The following NEGR1 variants were observed in gnomAD, a reference collection of about 807,000 sequenced individuals.
The protein encoded by NEGR1 is neuronal growth regulator 1, also known as IgLON family member 4.
In NEGR1, 10 loss-of-function variants were observed where a neutral mutation model predicts 40.9. The observed-to-expected ratio is 0.24, with a 90% confidence interval of 0.15 to 0.42. NEGR1 has a LOEUF of 0.42. Ranked by LOEUF, NEGR1 falls within the 10% of genes least tolerant of loss-of-function variation. The pLI is 1.00. For missense variants in NEGR1, 352 were observed against 438.9 expected (o/e 0.80, Z 1.77); for synonymous variants, 185 against 166.8 (o/e 1.11, Z -0.84).
At chr1:71,755,168 A>G (rs908694687) in intron 3 of NEGR1, among the ~76,000 whole-genome samples, 4 of 151,894 alleles carry the variant, frequency 2.6e-5, no homozygotes, top group African/African-American at 7.3e-5. Context: ...TGGCATGCCT[A>G]TTTTCCACAT....
chr1:72,251,245 C>A (rs1320275389), intron 1 of NEGR1, among the ~76,000 whole-genome samples: 1 of 152,108 alleles, frequency 6.6e-6, no homozygotes. Context: ...GTTAATCCAC[C>A]ATGTATTTTT....
rs151000675 is a variant in NEGR1 at position 72,156,189 on chromosome 1, G to A, written c.176+126130C>T. Among the ~76,000 whole-genome samples, 679 of 152,208 alleles carry A rather than the reference G, an allele frequency of 4.5e-3. 5 individuals are homozygous for A. The highest frequency in any genetic ancestry group is 0.016 in the African/African-American group (650 of 41,564). Reference sequence around the variant, plus strand: ...AATTTTCACAGATGTAACGTGTTCTGACTCTATCTGTTTGAATAATCATTT... The same window carrying A: ...AATTTTCACAGATGTAACGTGTTCTAACTCTATCTGTTTGAATAATCATTT... On this transcript the variant is annotated intron_variant, in intron 1 of 6. Coordinates refer to ENST00000357731, the MANE Select transcript of NEGR1 (RefSeq NM_173808.3).
chr1:71,844,869 G>A (rs1188299722), intron 2 of NEGR1, among the ~76,000 whole-genome samples: 2 of 152,142 alleles, frequency 1.3e-5, no homozygotes, highest in African/African-American at 4.8e-5. Flanking sequence ...TAGACATCCT[G>A]GTGGACATCC....
chr1:71,402,976 G>GT lies in NEGR1; in HGVS notation c.*4469dup, dbSNP rs961455358. ...TCAGACATTTATTAGAACATTTCCAGTTTTTTTGTGGAGGGAGGGCTTTGG... is the reference window on the plus strand; with the variant it reads ...TCAGACATTTATTAGAACATTTCCAGTTTTTTTTGTGGAGGGAGGGCTTTGG... On this transcript the variant is annotated 3_prime_UTR_variant, in exon 7 of 7. Transcript: ENST00000357731. 25 of 152,180 alleles carry GT rather than the reference G, an allele frequency of 1.6e-4. No homozygotes were observed. The highest frequency in any genetic ancestry group is 5.3e-4 in the African/African-American group (22 of 41,530). 9.4% of individuals were successfully genotyped at this position (152,180 alleles called of 1,614,324 possible).
chr1:71,877,314 G>T (rs1660460351), intron 2 of NEGR1, among the ~76,000 whole-genome samples: 1 of 152,148 alleles, frequency 6.6e-6, no homozygotes, highest in African/African-American at 2.4e-5. Flanking sequence ...CCATAACAAA[G>T]TTGCATGTAC....
At chr1:72,034,841 C>A (rs1646888737) in intron 1 of NEGR1, among the ~76,000 whole-genome samples, 1 of 152,086 alleles carries the variant, frequency 6.6e-6, no homozygotes. Context: ...TAAAACGCAG[C>A]CCCAAACCAT....
At chr1:71,942,976 AAGTATATATGTGTATATATATGTGTGTG>A (rs1645981457) in intron 1 of NEGR1, among the ~76,000 whole-genome samples, 5 of 134,100 alleles carry the variant, frequency 3.7e-5, no homozygotes, top group African/African-American at 8.2e-5. Flanking sequence ...ATATATATAT[AAGTATATATGTGTATATATATGTGTGTG>A]TATATATATA....
At chr1:71,734,412 A>G (rs1654983716) in intron 3 of NEGR1, among the ~76,000 whole-genome samples, 1 of 152,178 alleles carries the variant, frequency 6.6e-6, no homozygotes, top group South Asian at 2.1e-4. Flanking sequence ...TTGGAAGGCT[A>G]TTGACTTATT....
intron 6 of NEGR1, among the ~76,000 whole-genome samples, chr1:71,469,977 GA>G (rs913788882): frequency 3.3e-5 from 5 of 152,174 alleles, no homozygotes; most frequent in African/African-American, 1.2e-4. Context: ...TTTTTAAACT[GA>G]AAAGTAAAGT....
At chr1:71,972,493 G>A (rs1440572367) in intron 1 of NEGR1, among the ~76,000 whole-genome samples, 2 of 152,064 alleles carry the variant, frequency 1.3e-5, no homozygotes, top group East Asian at 3.8e-4. Flanking sequence ...ATTACCTTAG[G>A]AAGAACTTAG....
intron 2 of NEGR1, among the ~76,000 whole-genome samples, chr1:71,873,977 G>A (rs1557684440): frequency 1.3e-5 from 2 of 152,112 alleles, no homozygotes; most frequent in African/African-American, 2.4e-5. Context: ...TGCTTCAAAG[G>A]ATGCTCTGAT....
chr1:71,562,952 G>C (rs556703971), intron 6 of NEGR1, among the ~76,000 whole-genome samples: 5 of 152,054 alleles, frequency 3.3e-5, no homozygotes, highest in African/African-American at 1.2e-4. Context: ...CCTGTGCTAA[G>C]ATGTGGTGCA....
chr1:71,408,086 T>C (rs1195432196), intron 6 of NEGR1, among the ~76,000 whole-genome samples: 23 of 152,044 alleles, frequency 1.5e-4, no homozygotes, highest in Non-Finnish European at 3.1e-4. Context: ...TAGAGTTGCA[T>C]GTGCATACCC....
At position 71,542,334 on chromosome 1, in the gene NEGR1, G is replaced by A. The variant is rs868617560; in HGVS notation, c.940+50483C>T. Reference sequence around the variant, plus strand: ...CTGGTGACAGACAACACCAGAAGGGGAAGTCAGATGGATTCTTTGCTGGTA... The same window carrying A: ...CTGGTGACAGACAACACCAGAAGGGAAAGTCAGATGGATTCTTTGCTGGTA... On this transcript the variant is annotated intron_variant, in intron 6 of 6. Transcript: ENST00000357731. 2.6e-5 allele frequency among the ~76,000 whole-genome samples: 4 copies of A among 151,842 alleles called. No individual in the cohort carries two copies. The South Asian group carries it at 6.2e-4, about 24-fold the overall frequency.
intron 4 of NEGR1, among the ~76,000 whole-genome samples, chr1:71,613,448 A>AC (rs1650332275): frequency 6.6e-6 from 1 of 152,056 alleles, no homozygotes; most frequent in African/African-American, 2.4e-5. Context: ...GGAGTTCGAG[A>AC]CCAGCCTGGC....
At chr1:71,777,719 T>C (rs1385154010) in intron 2 of NEGR1, among the ~76,000 whole-genome samples, 2 of 152,030 alleles carry the variant, frequency 1.3e-5, no homozygotes, top group Non-Finnish European at 2.9e-5. Context: ...ACCCATACTT[T>C]GAATTTTTTT....
intron 3 of NEGR1, among the ~76,000 whole-genome samples, chr1:71,720,573 AC>A (rs1280430698): frequency 6.6e-6 from 1 of 152,164 alleles, no homozygotes; most frequent in Non-Finnish European, 1.5e-5. Context: ...ACCTGTTGGT[AC>A]TTTTTTCCCT....
chr1:71,932,020 G>T (rs923062261), intron 2 of NEGR1, among the ~76,000 whole-genome samples: 1 of 152,060 alleles, frequency 6.6e-6, no homozygotes, highest in South Asian at 2.1e-4. Flanking sequence ...AAGTCTATTA[G>T]TCAGTTTCAA....
intron 6 of NEGR1, among the ~76,000 whole-genome samples, chr1:71,485,691 G>A (rs1227648926): frequency 6.6e-6 from 1 of 151,556 alleles, no homozygotes; most frequent in Non-Finnish European, 1.5e-5. Flanking sequence ...TACATAGTAG[G>A]TAGCCTTTTC....
Sources: allele counts gnomAD v4.1 joint callset (sites outside exome capture counted in the v4.1 genomes callset), GRCh38; gene constraint gnomAD v4.1.1; transcripts MANE v1.5; gene names NCBI Gene and HGNC (gene_info 2026-07-23, HGNC 2026-07-21).